The following RGS7 variants were observed in gnomAD, a reference collection of about 807,000 sequenced individuals.
The protein encoded by RGS7 is regulator of G-protein signaling 7.
A neutral mutation model predicts 81.1 loss-of-function variants in RGS7; 27 were observed. The ratio of observed to expected loss-of-function variants is 0.33; its 90% confidence interval spans 0.25 to 0.46. The LOEUF is 0.46. Ranked by LOEUF, RGS7 falls within the 20% of genes least tolerant of loss-of-function variation. The pLI is 1.00. For missense variants in RGS7, 396 were observed against 607.4 expected, an observed-to-expected ratio of 0.65 and a Z score of 3.66; for synonymous variants, 208 against 207.7, an observed-to-expected ratio of 1.00 and a Z score of -0.01.
At chr1:241,106,875 T>C (rs1332157590) in intron 2 of RGS7, among the ~76,000 whole-genome samples, 1 of 150,406 alleles carries the variant, frequency 6.6e-6, no homozygotes, top group African/African-American at 2.5e-5. Flanking sequence ...AGGTTTTTTT[T>C]CTAATTTATA....
chr1:240,834,909 T>C (rs1694461441), intron 9 of RGS7, among the ~76,000 whole-genome samples: 1 of 131,672 alleles, frequency 7.6e-6, no homozygotes, highest in South Asian at 2.4e-4. Context: ...CATTCAGACC[T>C]TACACTCCAC....
intron 2 of RGS7, among the ~76,000 whole-genome samples, chr1:241,166,980 C>A (rs940890230): frequency 1.3e-5 from 2 of 152,166 alleles, no homozygotes; most frequent in Non-Finnish European, 2.9e-5. Flanking sequence ...TACTTTCTGG[C>A]CTGTGTTTCC....
intron 2 of RGS7, among the ~76,000 whole-genome samples, chr1:241,292,704 A>T (rs1219583626): frequency 6.6e-6 from 1 of 152,232 alleles, no homozygotes; most frequent in Non-Finnish European, 1.5e-5. Flanking sequence ...CATTTACTCT[A>T]CTATGGCCAA....
At chr1:240,886,743 T>C (rs550247707) in intron 6 of RGS7, among the ~76,000 whole-genome samples, 91 of 152,262 alleles carry the variant, frequency 6.0e-4, no homozygotes, top group African/African-American at 2.1e-3. Flanking sequence ...ATGCCTAGAA[T>C]AGAAAAAGGG....
chr1:241,190,097 G>A (rs559787800), intron 2 of RGS7, among the ~76,000 whole-genome samples: 27 of 151,530 alleles, frequency 1.8e-4, no homozygotes, highest in African/African-American at 4.6e-4. Flanking sequence ...AGCAGACTCC[G>A]TCTCAAAAAA....
intron 5 of RGS7, among the ~76,000 whole-genome samples, 165 bp from the exon 6 acceptor site, chr1:240,930,933 A>G (rs1297879123): frequency 6.6e-6 from 1 of 152,234 alleles, no homozygotes; most frequent in Non-Finnish European, 1.5e-5. Flanking sequence ...CTTTGTCTAC[A>G]TGTACTTTGC....
intron 2 of RGS7, among the ~76,000 whole-genome samples, chr1:241,244,348 C>G (rs970333962): frequency 1.3e-5 from 2 of 152,116 alleles, no homozygotes; most frequent in Non-Finnish European, 2.9e-5. Context: ...CCAAAAGACA[C>G]ATGAAAAAAT....
intron 2 of RGS7, among the ~76,000 whole-genome samples, chr1:241,323,309 T>A (rs116134397): frequency 0.012 from 1,822 of 152,370 alleles, 37 homozygotes; most frequent in African/African-American, 0.041. Context: ...TTTTTTCATT[T>A]AAATTGTGAT....
At chr1:241,307,151 A>G (rs1573603315) in intron 2 of RGS7, among the ~76,000 whole-genome samples, 1 of 152,144 alleles carries the variant, frequency 6.6e-6, no homozygotes, top group South Asian at 2.1e-4. Flanking sequence ...TTCCCGCCCA[A>G]TCTCTATTTG....
chr1:240,803,687 G>T (rs573072913), intron 15 of RGS7, among the ~76,000 whole-genome samples: 3 of 151,466 alleles, frequency 2.0e-5, no homozygotes, highest in Non-Finnish European at 4.4e-5. Flanking sequence ...AAAGGAAAAA[G>T]GTACTCATTC....
At chr1:240,809,679 G>T (rs987207783) in intron 14 of RGS7, among the ~76,000 whole-genome samples, 1 of 152,140 alleles carries the variant, frequency 6.6e-6, no homozygotes, top group African/African-American at 2.4e-5. Context: ...GATGTGTGAT[G>T]ATCAGAAATA....
chr1:241,064,423 C>CAAAA (rs557864611), intron 3 of RGS7, among the ~76,000 whole-genome samples: 1 of 95,238 alleles, frequency 1.0e-5, no homozygotes, highest in African/African-American at 4.1e-5. Context: ...CAGTCTCTAC[C>CAAAA]AAAAAAAAAA....
intron 3 of RGS7, among the ~76,000 whole-genome samples, chr1:241,087,810 G>A (rs1453818778): frequency 2.0e-5 from 3 of 151,764 alleles, no homozygotes; most frequent in South Asian, 4.2e-4. Context: ...TTAGCTGGGC[G>A]TGGCAGTGCA....
intron 3 of RGS7, among the ~76,000 whole-genome samples, chr1:241,046,362 G>T (rs2060932414): frequency 6.7e-6 from 1 of 150,330 alleles, no homozygotes; most frequent in Non-Finnish European, 1.5e-5. Flanking sequence ...ATGTCCATGT[G>T]TACTTAATGT....
At chr1:240,827,338 G>C (rs1461376514) in intron 9 of RGS7, among the ~76,000 whole-genome samples, 166 bp from the exon 10 acceptor site, 2 of 152,186 alleles carry the variant, frequency 1.3e-5, no homozygotes, top group Non-Finnish European at 2.9e-5. Context: ...GCAGTAGCCA[G>C]TCATAAAAGA....
intron 3 of RGS7, among the ~76,000 whole-genome samples, chr1:241,031,567 GA>G (rs2060086527): frequency 6.6e-6 from 1 of 152,136 alleles, no homozygotes; most frequent in Non-Finnish European, 1.5e-5. Context: ...GTTTTCCATA[GA>G]AGTACTAATT....
intron 9 of RGS7, among the ~76,000 whole-genome samples, chr1:240,836,381 A>T (rs1394364019): frequency 6.6e-6 from 1 of 152,228 alleles, no homozygotes. Context: ...TACTGCAATT[A>T]TTCAGGCAAG....
intron 3 of RGS7, among the ~76,000 whole-genome samples, chr1:241,074,207 T>C (rs1249776427): frequency 6.6e-6 from 1 of 152,216 alleles, no homozygotes; most frequent in African/African-American, 2.4e-5. Context: ...TGTCTCTTAG[T>C]TTGTTTTAAT....
chr1:241,247,966 T>C (rs1256482904), intron 2 of RGS7, among the ~76,000 whole-genome samples: 4 of 152,326 alleles, frequency 2.6e-5, no homozygotes, highest in Admixed American at 6.5e-5. Context: ...TTTCTTGAGT[T>C]TTCTGTATCT....
Sources: allele counts gnomAD v4.1 joint callset (sites outside exome capture counted in the v4.1 genomes callset), GRCh38; gene constraint gnomAD v4.1.1; transcripts MANE v1.5; gene names NCBI Gene and HGNC (gene_info 2026-07-23, HGNC 2026-07-21).